The following NUP58 variants were observed in gnomAD, a reference collection of about 807,000 sequenced individuals.
NUP58 encodes nucleoporin p58/p45.
NUP58 carries 17 observed loss-of-function variants against 70.1 expected under a neutral mutation model. The observed-to-expected ratio is 0.24, with a 90% CI of 0.17 to 0.36. The LOEUF (loss-of-function observed/expected upper bound fraction) is 0.36. NUP58 is among the 10% of genes least tolerant of loss of function. The pLI, the probability that NUP58 is intolerant of heterozygous loss-of-function variation, is 1.00. For missense variants in NUP58, 644 were observed against 701.5 expected (o/e 0.92, Z 0.93); for synonymous variants, 275 against 257.6 (o/e 1.07, Z -0.65).
Position 25,331,961 on chromosome 13 carries a change from G to A in NUP58, c.1435+403G>A, listed in dbSNP as rs890385015. On this transcript the variant is annotated intron_variant, in intron 13 of 15. Coordinates refer to ENST00000381736, the MANE Select transcript of NUP58 (RefSeq NM_014089.4). The stretch of plus-strand genomic sequence containing the variant: ...TTCATATATGATACTGATAGGTGGT[G>A]CATTCTCATTTTCCTCATACATAGT... 6 of 1,036,310 alleles carry A rather than the reference G, an allele frequency of 5.8e-6. No homozygotes were observed. The Admixed American group carries it at 2.0e-4, about 35-fold the overall frequency. The allele number at this position is 1,036,310 out of a possible 1,614,324, so 64.2% of individuals were successfully genotyped here. A position where few individuals can be genotyped will look rare whatever the true frequency, so the allele number is the denominator to read the frequency against.
At chr13:25,334,336 C>T in intron 13 of NUP58, 3 of 985,310 alleles carry the variant, frequency 3.0e-6, no homozygotes, top group Non-Finnish European at 3.6e-6. Flanking sequence ...TGTGTTTTGA[C>T]ACTTTAAGAG....
chr13:25,305,731 A>T (rs2030317093), intron 1 of NUP58, among the ~76,000 whole-genome samples: 1 of 152,178 alleles, frequency 6.6e-6, no homozygotes, highest in Non-Finnish European at 1.5e-5. Context: ...TCTTACTTAT[A>T]GTAATTCTAA....
At chr13:25,346,520 G>C (rs746641920), downstream of NUP58, among the ~76,000 whole-genome samples, 1 of 152,086 alleles carries the variant, frequency 6.6e-6, no homozygotes, top group Non-Finnish European at 1.5e-5. Flanking sequence ...GGGAGTTCAA[G>C]ACCAACCTGA....
At chr13:25,336,677 C>T (rs1456519021) in intron 13 of NUP58, among the ~76,000 whole-genome samples, 6 of 152,006 alleles carry the variant, frequency 3.9e-5, no homozygotes, top group Admixed American at 1.3e-4. Flanking sequence ...TCTTTCATTG[C>T]GGTAAGCCTC....
chr13:25,327,430 AT>A lies in NUP58; in HGVS notation c.1154del (p.Leu385CysfsTer13). 1 of 1,589,264 alleles carries A rather than the reference AT, an allele frequency of 6.3e-7. No individual in the cohort carries two copies. Among genetic ancestry groups the A allele is most frequent in the Non-Finnish European group, 8.6e-7 (1 of 1,159,828 alleles). ...GTGATAATGTAATTTTCTTTTATAG[AT>A]TTGTCAATGGCTATGCAGAAAATTT... ...QANNSHITPQDLSMAMQKIYQ... is the reference protein window; with the variant it reads ...QANNSHITPQXLSMAMQKIYQ... On this transcript the variant is annotated frameshift_variant and splice_region_variant, in exon 12 of 16. Transcript: ENST00000381736. LOFTEE classifies it high-confidence loss of function.
chr13:25,315,374 T>C lies in NUP58; in HGVS notation c.592T>C (p.Leu198=). 1 of 1,613,514 alleles carries C rather than the reference T, an allele frequency of 6.2e-7. No individual in the cohort carries two copies. Among genetic ancestry groups the C allele is most frequent in the Non-Finnish European group, 8.5e-7 (1 of 1,179,522 alleles). ...ATTTATAGGACTTGGACAGAATGCT[T>C]TAGGGTTGACTTTGGGAACTACAGC... The part of the protein sequence containing the change: ...TGTSGLGQNA[L]GLTLGTTAAT... Residue 198 remains leucine (L), a synonymous_variant, in exon 6 of 16, where the codon TTA becomes CTA. Transcript: ENST00000381736.
chr13:25,301,744 C>T lies in NUP58; in HGVS notation c.-30C>T, dbSNP rs753140115. Reference sequence around the variant, plus strand: ...GAGAAGTGTCCCAGACCCATTTCGCCTTGCTGACGGCGTCGAGCCCTGGCC... The same window carrying T: ...GAGAAGTGTCCCAGACCCATTTCGCTTTGCTGACGGCGTCGAGCCCTGGCC... On this transcript the variant is annotated 5_prime_UTR_variant, in exon 1 of 16. Transcript: ENST00000381736. 1.0e-4 allele frequency: 149 copies of T among 1,476,696 alleles called. No homozygotes were observed. The highest frequency in any genetic ancestry group is 1.3e-4 in the Non-Finnish European group (141 of 1,071,680). The allele number at this position is 1,476,696 out of a possible 1,614,324, so 91.5% of individuals were successfully genotyped here.
rs1566074782 is a variant in NUP58 at position 25,341,288 on chromosome 13, TA to T, written c.*1155del. 6.6e-6 allele frequency: 1 copy of T among 152,620 alleles called. No homozygotes were observed. The highest frequency in any genetic ancestry group is 1.5e-5 in the Non-Finnish European group (1 of 68,032). The allele number at this position is 152,620 out of a possible 1,614,324, so 9.5% of individuals were successfully genotyped here. On this transcript the variant is annotated 3_prime_UTR_variant, in exon 16 of 16. Coordinates refer to ENST00000381736, the MANE Select transcript of NUP58 (RefSeq NM_014089.4). ...TTGCTTCTGTGAGATGTTTTTTTCT[TA>T]TCTGAGATGAACTTTCAGGAGCCTA...
chr13:25,343,890 C>CTTA (rs1555258696), downstream of NUP58, among the ~76,000 whole-genome samples: 19 of 149,246 alleles, frequency 1.3e-4, no homozygotes, highest in East Asian at 2.0e-3. Context: ...CAACTATTCT[C>CTTA]TGGATGGTTA....
rs760704137 is a variant in NUP58 at position 25,313,604 on chromosome 13, CTT to C, written c.437-6_437-5del. On this transcript the variant is annotated splice_polypyrimidine_tract_variant and splice_region_variant and intron_variant, in intron 4 of 15. Coordinates refer to ENST00000381736, the MANE Select transcript of NUP58 (RefSeq NM_014089.4). ...TGCCTTTTGAAAGCTTACTATCTCT[CTT>C]TTTATAGCATCCACAGGATTTACTC... The C allele has an allele frequency of 1.3e-6, 2 of 1,485,066 alleles. No homozygotes were observed. Among genetic ancestry groups the C allele is most frequent in the African/African-American group, 1.5e-5 (1 of 67,684 alleles). 92.0% of individuals were successfully genotyped at this position (1,485,066 alleles called of 1,614,324 possible).
chr13:25,329,541 G>C (rs997210516), intron 12 of NUP58, among the ~76,000 whole-genome samples: 2 of 152,110 alleles, frequency 1.3e-5, no homozygotes, highest in African/African-American at 4.8e-5. Context: ...AGGAACGAAA[G>C]GATATTCCCA....
At chr13:25,330,849 C>T (rs367816406) in intron 12 of NUP58, among the ~76,000 whole-genome samples, 80 of 152,194 alleles carry the variant, frequency 5.3e-4, no homozygotes, top group South Asian at 2.9e-3. Context: ...TGAGGTGCAA[C>T]ACCTTATTTT....
intron 2 of NUP58, 72 bp downstream of exon 2, chr13:25,308,020 C>T (rs962316424): frequency 6.5e-7 from 1 of 1,544,938 alleles, no homozygotes; most frequent in Admixed American, 1.8e-5. Flanking sequence ...TCCTGTATCT[C>T]TCTTTACAAG....
intron 5 of NUP58, 34 bp downstream of exon 5, chr13:25,313,785 A>G (rs774898346): frequency 2.1e-6 from 3 of 1,448,462 alleles, no homozygotes; most frequent in South Asian, 1.5e-5. Flanking sequence ...AGAATAGTAA[A>G]TATTTATATT....
At chr13:25,313,065 G>C (rs2030755371) in intron 4 of NUP58, 33 bp downstream of exon 4, 1 of 1,600,832 alleles carries the variant, frequency 6.2e-7, no homozygotes, top group East Asian at 2.2e-5. Context: ...TGCATTTAAT[G>C]GTTAAATTTC....
Position 25,334,596 on chromosome 13 carries a change from A to G in NUP58, c.1436-2340A>G, listed in dbSNP as rs899160506. ...GAGTAAAATTTTTCAAACTGGGGAAAACGCATTTTAGGTTTTTTAAAGAAA... is the reference window on the plus strand; with the variant it reads ...GAGTAAAATTTTTCAAACTGGGGAAGACGCATTTTAGGTTTTTTAAAGAAA... On this transcript the variant is annotated intron_variant, in intron 13 of 15. Coordinates refer to ENST00000381736, the MANE Select transcript of NUP58 (RefSeq NM_014089.4). 4.0e-5 allele frequency: 39 copies of G among 984,706 alleles called. No homozygotes were observed. The African/African-American group carries it at 6.1e-4, about 15-fold the overall frequency. The allele number at this position is 984,706 out of a possible 1,614,324, so 61.0% of individuals were successfully genotyped here.
At chr13:25,336,174 G>A in intron 13 of NUP58, 2 of 1,363,312 alleles carry the variant, frequency 1.5e-6, no homozygotes, top group Non-Finnish European at 2.0e-6. Context: ...AAGGTACACA[G>A]CGGTGCCTTT....
chr13:25,348,183 T>C (rs2032071726), intron 3 of NUP58, among the ~76,000 whole-genome samples: 1 of 152,172 alleles, frequency 6.6e-6, no homozygotes, highest in Admixed American at 6.5e-5. Flanking sequence ...TTGGGCGACA[T>C]TTAAGTGTGT....
chr13:25,335,638 T>G, intron 13 of NUP58: 1 of 985,208 alleles, frequency 1.0e-6, no homozygotes, highest in Non-Finnish European at 1.2e-6. Flanking sequence ...TATTGTTTGT[T>G]TTCTGGGTTA....
Sources: gnomAD v4.1 joint callset for allele counts (sites outside exome capture counted in the v4.1 genomes callset) on GRCh38, gnomAD v4.1.1 for gene constraint, MANE v1.5 for transcripts, NCBI Gene and HGNC (gene_info 2026-07-23, HGNC 2026-07-21) for gene names.